NPAS3: variants seen among roughly 807,000 people sequenced by gnomAD.
The protein encoded by NPAS3 is neuronal PAS domain protein 3.
In NPAS3, 14 loss-of-function variants were observed where a neutral mutation model predicts 73.1. That is an observed-to-expected ratio of 0.19 (90% CI 0.13 to 0.30). The LOEUF is 0.30. Ranked by LOEUF, NPAS3 falls within the 10% of genes least tolerant of loss-of-function variation. The pLI is 1.00. For missense variants in NPAS3, 1,096 were observed against 1,250.0 expected, an observed-to-expected ratio of 0.88 and a Z score of 1.86; for synonymous variants, 620 against 541.5, an observed-to-expected ratio of 1.14 and a Z score of -2.01.
chr14:33,429,823 A>G (rs2048708018), intron 4 of NPAS3, among the ~76,000 whole-genome samples: 1 of 152,168 alleles, frequency 6.6e-6, no homozygotes, highest in Non-Finnish European at 1.5e-5. Context: ...CACTGCTTCA[A>G]AGAATTTGTT....
intron 4 of NPAS3, among the ~76,000 whole-genome samples, chr14:33,541,969 G>T (rs2054541262): frequency 6.6e-6 from 1 of 152,088 alleles, no homozygotes; most frequent in East Asian, 1.9e-4. Flanking sequence ...ACTGAGGCAG[G>T]TTAGCCTCCG....
chr14:33,509,057 CT>C (rs35416014), intron 4 of NPAS3, among the ~76,000 whole-genome samples: 211 of 146,098 alleles, frequency 1.4e-3, no homozygotes, highest in African/African-American at 1.3e-3. Flanking sequence ...TATCCAACTA[CT>C]TTTTTTTTTT....
At chr14:33,073,408 A>G (rs2041551731) in intron 2 of NPAS3, among the ~76,000 whole-genome samples, 1 of 152,228 alleles carries the variant, frequency 6.6e-6, no homozygotes. Flanking sequence ...GTAGAACTCT[A>G]TAGTATACAG....
At chr14:33,299,145 G>A (rs533438857) in intron 3 of NPAS3, among the ~76,000 whole-genome samples, 6 of 152,274 alleles carry the variant, frequency 3.9e-5, no homozygotes, top group African/African-American at 1.4e-4. Context: ...TTAAGCTGAG[G>A]TATAAGTGAA....
At chr14:33,430,886 CA>C in intron 4 of NPAS3, among the ~76,000 whole-genome samples, 1 of 152,316 alleles carries the variant, frequency 6.6e-6, no homozygotes, top group East Asian at 1.9e-4. Flanking sequence ...CAGTCAGATG[CA>C]ACTGTCTTGG....
chr14:33,734,443 T>G (rs1048690633), intron 6 of NPAS3, among the ~76,000 whole-genome samples: 3 of 152,184 alleles, frequency 2.0e-5, no homozygotes, highest in African/African-American at 7.2e-5. Flanking sequence ...AACATTCTAC[T>G]TAGTCTAAAA....
At chr14:33,043,145 T>C (rs1274962309) in intron 1 of NPAS3, among the ~76,000 whole-genome samples, 1 of 152,196 alleles carries the variant, frequency 6.6e-6, no homozygotes, top group Non-Finnish European at 1.5e-5. Flanking sequence ...CTCTCCTATT[T>C]GTTGGTACAG....
intron 4 of NPAS3, among the ~76,000 whole-genome samples, chr14:33,468,138 G>T (rs1334097571): frequency 6.6e-6 from 1 of 152,174 alleles, no homozygotes; most frequent in Non-Finnish European, 1.5e-5. Context: ...GTTGAATGGT[G>T]ACGTCAAATG....
intron 4 of NPAS3, among the ~76,000 whole-genome samples, chr14:33,398,264 C>T (rs2047306843): frequency 6.6e-6 from 1 of 152,050 alleles, no homozygotes; most frequent in Non-Finnish European, 1.5e-5. Context: ...CCACACTGTG[C>T]AGAGCCCCAG....
At chr14:33,670,773 A>G (rs1177905661) in intron 5 of NPAS3, among the ~76,000 whole-genome samples, 2 of 151,810 alleles carry the variant, frequency 1.3e-5, no homozygotes, top group Non-Finnish European at 2.9e-5. Context: ...GCCACTTACC[A>G]CAAACAGAGT....
At chr14:33,474,381 G>C (rs548997363) in intron 4 of NPAS3, among the ~76,000 whole-genome samples, 2 of 152,204 alleles carry the variant, frequency 1.3e-5, no homozygotes, top group South Asian at 4.1e-4. Flanking sequence ...AGTATGTTTA[G>C]TAAAAATAAT....
At chr14:33,682,100 G>A (rs989219597) in intron 6 of NPAS3, among the ~76,000 whole-genome samples, 1 of 146,342 alleles carries the variant, frequency 6.8e-6, no homozygotes, top group East Asian at 1.9e-4. Flanking sequence ...AAATTAAAAT[G>A]TATAATTTAT....
At position 33,137,055 on chromosome 14, in the gene NPAS3, T is replaced by A. The variant is rs2043867999; in HGVS notation, c.141-78127T>A. Among the ~76,000 whole-genome samples the A allele has an allele frequency of 2.0e-5, 3 of 152,192 alleles. No individual in the cohort carries two copies. In the South Asian group the frequency reaches 6.2e-4, roughly 31 times the overall value. Reference sequence around the variant, plus strand: ...AATTTAAGAAGTAATGGAAGCCCAGTGTAATCAATGCAAAAAAAGAATAAA... The same window carrying A: ...AATTTAAGAAGTAATGGAAGCCCAGAGTAATCAATGCAAAAAAAGAATAAA... On this transcript the variant is annotated intron_variant, in intron 2 of 11. Coordinates refer to ENST00000356141, the Ensembl canonical transcript of NPAS3.
chr14:33,113,791 A>G (rs1430686796), intron 2 of NPAS3, among the ~76,000 whole-genome samples: 1 of 152,122 alleles, frequency 6.6e-6, no homozygotes, highest in South Asian at 2.1e-4. Context: ...TCAGTGTGAT[A>G]TTGGCTGTGG....
chr14:33,436,042 A>G (rs1418295667), intron 4 of NPAS3, among the ~76,000 whole-genome samples: 5 of 152,210 alleles, frequency 3.3e-5, no homozygotes, highest in African/African-American at 1.2e-4. Context: ...AAGAGGAGTC[A>G]GGCACATTTC....
chr14:33,751,382 T>A (rs935445567), intron 7 of NPAS3, among the ~76,000 whole-genome samples: 2 of 152,166 alleles, frequency 1.3e-5, no homozygotes, highest in African/African-American at 2.4e-5. Flanking sequence ...AGGGACTTTT[T>A]CCCCTTAATC....
intron 3 of NPAS3, among the ~76,000 whole-genome samples, chr14:33,224,043 T>C (rs751604736): frequency 1.2e-4 from 18 of 152,178 alleles, no homozygotes; most frequent in Non-Finnish European, 1.9e-4. Context: ...AACACACTTA[T>C]ATTCTATATC....
At chr14:33,498,188 G>GTA (rs1205116930) in intron 4 of NPAS3, among the ~76,000 whole-genome samples, 15 of 151,986 alleles carry the variant, frequency 9.9e-5, no homozygotes, top group African/African-American at 3.6e-4. Context: ...AAAGTCAGCA[G>GTA]ACAACAGATG....
At chr14:33,401,651 T>TAAAAAC (rs1377496279) in intron 4 of NPAS3, among the ~76,000 whole-genome samples, 1 of 152,096 alleles carries the variant, frequency 6.6e-6, no homozygotes, top group Non-Finnish European at 1.5e-5. Context: ...AAATAATATA[T>TAAAAAC]AAAAACACTG....
Sources: gnomAD v4.1 joint callset for allele counts (sites outside exome capture counted in the v4.1 genomes callset) on GRCh38, gnomAD v4.1.1 for gene constraint, MANE v1.5 for transcripts, NCBI Gene and HGNC (gene_info 2026-07-23, HGNC 2026-07-21) for gene names.